The following EBF4 variants were observed in gnomAD, a reference collection of about 807,000 sequenced individuals.
The protein encoded by EBF4 is transcription factor COE4.
Under a neutral mutation model 67.1 loss-of-function variants are expected in EBF4, and 34 were observed. The ratio of observed to expected loss-of-function variants is 0.51; its 90% CI spans 0.39 to 0.67. The LOEUF (loss-of-function observed/expected upper bound fraction) is 0.67. Ranked by LOEUF, EBF4 falls within the 30% of genes least tolerant of loss-of-function variation. The pLI is 0.00. For synonymous variants in EBF4, 387 were observed against 377.7 expected (o/e 1.02, Z -0.29); for missense variants, 837 against 873.3 (o/e 0.96, Z 0.52).
intron 6 of EBF4, among the ~76,000 whole-genome samples, chr20:2,737,842 G>A (rs1190457570): frequency 1.3e-5 from 2 of 150,982 alleles, no homozygotes; most frequent in African/African-American, 2.4e-5. Context: ...AATGGCACCT[G>A]TAGTCCCAGC....
chr20:2,700,471 G>A (rs566313894), intron 1 of EBF4, among the ~76,000 whole-genome samples: 12 of 152,136 alleles, frequency 7.9e-5, no homozygotes, highest in Middle Eastern at 3.4e-3. Context: ...CTTAGGCAGC[G>A]CCACTTTGGA....
chr20:2,718,320 A>G (rs2087637688), intron 6 of EBF4, among the ~76,000 whole-genome samples: 2 of 152,136 alleles, frequency 1.3e-5, no homozygotes, highest in South Asian at 4.1e-4. Flanking sequence ...ATTGGGAAGC[A>G]TTTCCTTCTC....
rs1015719114 is a variant in EBF4 at position 2,723,495 on chromosome 20, C to T, written c.557+13853C>T. Among the ~76,000 whole-genome samples, 384 of 142,804 alleles carry T rather than the reference C, an allele frequency of 2.7e-3. 1 individual carries two copies. The highest frequency in any genetic ancestry group is 0.01 in the African/African-American group (366 of 35,190). 93.7% of individuals were successfully genotyped at this position (142,804 alleles called of 152,430 possible). On this transcript the variant is annotated intron_variant, in intron 6 of 16. Transcript: ENST00000609451. ...CCTCCCGAGTAGCTGGGACTACAGG[C>T]GCCGCCACCACGCCCGGCTAATTTT...
intron 6 of EBF4, among the ~76,000 whole-genome samples, chr20:2,738,214 C>G (rs1371690316): frequency 6.6e-6 from 1 of 151,922 alleles, no homozygotes; most frequent in East Asian, 1.9e-4. Flanking sequence ...GTGCCAAGGT[C>G]TCTGGTCTTA....
At chr20:2,740,093 A>C (rs1335985326) in intron 6 of EBF4, among the ~76,000 whole-genome samples, 1 of 152,234 alleles carries the variant, frequency 6.6e-6, no homozygotes, top group Non-Finnish European at 1.5e-5. Context: ...CGGGTGGATC[A>C]CCAGAGGTCA....
chr20:2,756,462 G>A lies in EBF4; in HGVS notation c.1738+638G>A, dbSNP rs1264262973. Among the ~76,000 whole-genome samples, 1 of 152,254 alleles carries A rather than the reference G, an allele frequency of 6.6e-6. No individual in the cohort carries two copies. Among genetic ancestry groups the A allele is most frequent in the South Asian group, 2.1e-4 (1 of 4,822 alleles). On this transcript the variant is annotated intron_variant, in intron 15 of 16. Transcript: ENST00000609451. The surrounding 1 kb of genome is among the most constrained non-coding windows in gnomAD (Gnocchi z 4.5). ...GGGAGGACAGAGGAAGGGACTGGCT[G>A]TGGAAAAGGAGGAGGCAACAGGATG...
intron 6 of EBF4, among the ~76,000 whole-genome samples, chr20:2,718,000 G>A (rs1457872047): frequency 1.3e-5 from 2 of 151,838 alleles, no homozygotes; most frequent in Admixed American, 6.6e-5. Flanking sequence ...TAGTAGAGAC[G>A]GAGTTTCACC....
chr20:2,697,716 A>C (rs2087316582), intron 1 of EBF4, among the ~76,000 whole-genome samples: 1 of 152,002 alleles, frequency 6.6e-6, no homozygotes, highest in South Asian at 2.1e-4. Flanking sequence ...CCCTGAGCCA[A>C]CAGGACGTTA....
chr20:2,750,163 C>T (rs1433969184), intron 10 of EBF4, among the ~76,000 whole-genome samples, 190 bp downstream of exon 10: 1 of 152,130 alleles, frequency 6.6e-6, no homozygotes, highest in Non-Finnish European at 1.5e-5. Flanking sequence ...CTTTCCCTGG[C>T]TCTGTGTGTT....
intron 6 of EBF4, among the ~76,000 whole-genome samples, chr20:2,712,575 TGAG>T (rs1262455629): frequency 1.3e-5 from 2 of 152,082 alleles, no homozygotes; most frequent in Non-Finnish European, 2.9e-5. Context: ...AACATCCAAG[TGAG>T]GAGCTGAAAA....
intron 15 of EBF4, among the ~76,000 whole-genome samples, chr20:2,757,564 G>C (rs887888633): frequency 1.3e-5 from 2 of 152,230 alleles, no homozygotes; most frequent in Non-Finnish European, 2.9e-5. Context: ...GGTTCTTAGT[G>C]GGGGAGGAAT....
Position 2,744,482 on chromosome 20 carries a change from TTTTTC to T in EBF4, c.558-4057_558-4053del, listed in dbSNP as rs1199297170. On this transcript the variant is annotated intron_variant, in intron 6 of 16. Transcript: ENST00000609451. ...ATGCTTTTTTCTTTTCTTTTTTCTT[TTTTTC>T]TTTTCTTTTTTTTTTTTTTTTTGAG... Among the ~76,000 whole-genome samples the T allele has an allele frequency of 8.3e-5, 10 of 121,000 alleles. 1 individual carries two copies. Among genetic ancestry groups the T allele is most frequent in the East Asian group, 7.6e-4 (3 of 3,966 alleles). 79.4% of individuals were successfully genotyped at this position (121,000 alleles called of 152,430 possible).
chr20:2,755,618 G>A lies in EBF4; in HGVS notation c.1541-9G>A, dbSNP rs764905467. On this transcript the variant is annotated splice_polypyrimidine_tract_variant and intron_variant, in intron 14 of 16. Coordinates refer to ENST00000609451, the Ensembl canonical transcript of EBF4. This position sits in a 1 kb window ranked among gnomAD's most constrained non-coding sequence, Gnocchi z 4.7. ...TGCTGCGCCTGCCCCTCCCCGCCCC[G>A]CCCCGGAGTCATGCCCTCTAGCCCC... 1.5e-4 allele frequency: 71 copies of A among 489,208 alleles called. No homozygotes were observed. The highest frequency in any genetic ancestry group is 3.9e-4 in the East Asian group (8 of 20,322). 30.3% of individuals were successfully genotyped at this position (489,208 alleles called of 1,614,324 possible).
chr20:2,704,868 T>C (rs2087429006), intron 1 of EBF4, among the ~76,000 whole-genome samples: 1 of 152,218 alleles, frequency 6.6e-6, no homozygotes, highest in Non-Finnish European at 1.5e-5. Flanking sequence ...TTCCTCCTGC[T>C]CTCACTCTGG....
In EBF4 at chr20:2,739,377, C is replaced by G. The variant is rs915904362; in HGVS notation, c.558-9172C>G. Reference sequence around the variant, plus strand: ...CTGCCTCCTACTTCTCGGTGAGATCCTCCAAGACCCATCACCCAAGACCAA... The same window carrying G: ...CTGCCTCCTACTTCTCGGTGAGATCGTCCAAGACCCATCACCCAAGACCAA... On this transcript the variant is annotated intron_variant, in intron 6 of 16. Coordinates refer to ENST00000609451, the Ensembl canonical transcript of EBF4. The surrounding 1 kb of genome is among the most constrained non-coding windows in gnomAD (Gnocchi z 4.5). Among the ~76,000 whole-genome samples, 2 of 151,984 alleles carry G rather than the reference C, an allele frequency of 1.3e-5. No homozygotes were observed. The highest frequency in any genetic ancestry group is 4.8e-5 in the African/African-American group (2 of 41,350).
chr20:2,704,237 C>T (rs934646491), intron 1 of EBF4, among the ~76,000 whole-genome samples: 16 of 152,100 alleles, frequency 1.1e-4, no homozygotes, highest in Non-Finnish European at 2.1e-4. Context: ...CTGGCTTCCA[C>T]ACATGCAGAG....
In EBF4 at chr20:2,749,767, G is replaced by A. The variant is rs191423385; in HGVS notation, c.891+14G>A. On this transcript the variant is annotated intron_variant, in intron 9 of 16. Transcript: ENST00000609451. ...GTGTGGAGCGAGGTGGGCCAACCCC[G>A]CCAGTCTCCCTCTGGGCCTAGGGGC... 4.0e-6 allele frequency: 6 copies of A among 1,496,112 alleles called. No homozygotes were observed. The African/African-American group carries it at 6.5e-5, about 16-fold the overall frequency. The allele number at this position is 1,496,112 out of a possible 1,614,324, so 92.7% of individuals were successfully genotyped here. A position where few individuals can be genotyped will look rare whatever the true frequency, so the allele number is the denominator to read the frequency against.
chr20:2,717,425 A>G (rs2087624718), intron 6 of EBF4, among the ~76,000 whole-genome samples: 1 of 152,234 alleles, frequency 6.6e-6, no homozygotes, highest in Admixed American at 6.5e-5. Context: ...GGGGGAATGT[A>G]CAATTTTAAA....
intron 1 of EBF4, among the ~76,000 whole-genome samples, chr20:2,694,022 G>A (rs1305381861): frequency 6.6e-6 from 1 of 152,194 alleles, no homozygotes; most frequent in Non-Finnish European, 1.5e-5. Context: ...ACGGCCGCTC[G>A]CGGGTGCGGC....
Sources: allele counts gnomAD v4.1 joint callset (sites outside exome capture counted in the v4.1 genomes callset), GRCh38; gene constraint gnomAD v4.1.1; non-coding constraint Gnocchi (gnomAD v3.1); transcripts MANE v1.5; gene names NCBI Gene and HGNC (gene_info 2026-07-23, HGNC 2026-07-21).